The following CTDP1 variants were observed in gnomAD, a reference collection of about 807,000 sequenced individuals.
The protein encoded by CTDP1 is CTD phosphatase 1.
A neutral mutation model predicts 91.8 loss-of-function variants in CTDP1; 47 were observed. The ratio of observed to expected loss-of-function variants is 0.51; its 90% CI spans 0.41 to 0.65. The LOEUF is 0.65. Ranked by LOEUF, CTDP1 falls within the 30% of genes least tolerant of loss-of-function variation. The pLI is 0.00. For synonymous variants in CTDP1, 656 were observed against 598.5 expected (o/e 1.10, Z -1.40); for missense variants, 1,272 against 1,373.7 (o/e 0.93, Z 1.17).
chr18:79,715,252 G>A lies in CTDP1; in HGVS notation c.1792G>A (p.Val598Ile), dbSNP rs1291507084. 6.2e-7 allele frequency: 1 copy of A among 1,610,730 alleles called. No homozygotes were observed. The highest frequency in any genetic ancestry group is 8.5e-7 in the Non-Finnish European group (1 of 1,178,604). ...CCTCATCTACCTGGAGGAGATCCTG[G>A]TCCGTGTACACACTGACTACTATGC... ...DHLIYLEEIL[V>I]RVHTDYYAKY... The change falls in exon 8 of 13, where the codon GTC becomes ATC. Residue 598 changes from valine to isoleucine, a missense_variant. By Grantham distance (29) the Val-to-Ile change is conservative. Transcript: ENST00000613122.
intron 12 of CTDP1, among the ~76,000 whole-genome samples, chr18:79,750,670 T>TC (rs1491050894): frequency 1.1e-5 from 1 of 93,406 alleles, no homozygotes; most frequent in African/African-American, 3.6e-5. Context: ...ATTTTTTGCT[T>TC]TTTTTTTTTT....
intron 12 of CTDP1, among the ~76,000 whole-genome samples, chr18:79,737,553 G>A (rs562939718): frequency 6.4e-4 from 97 of 152,158 alleles, no homozygotes; most frequent in Admixed American, 2.2e-3. Flanking sequence ...GGGAGGAGCC[G>A]GTTTGCTTTG....
chr18:79,732,089 CAT>C (rs1367601445), intron 11 of CTDP1, among the ~76,000 whole-genome samples: 14 of 150,092 alleles, frequency 9.3e-5, no homozygotes, highest in South Asian at 6.4e-4. Context: ...TCCCAAATCA[CAT>C]GAGATGTAAG....
intron 8 of CTDP1, among the ~76,000 whole-genome samples, chr18:79,716,780 C>T (rs2086218248): frequency 6.6e-6 from 1 of 152,254 alleles, no homozygotes; most frequent in Non-Finnish European, 1.5e-5. Flanking sequence ...CTCACGTTTC[C>T]TTTTTGCTTC....
At chr18:79,710,203 C>A in intron 5 of CTDP1, 143 bp from the exon 6 acceptor site, 1 of 761,632 alleles carries the variant, frequency 1.3e-6, no homozygotes, top group Non-Finnish European at 2.4e-6. Context: ...CCACGTCTTA[C>A]CTCAAAAGGG....
chr18:79,680,316 T>A (rs2085333840), intron 1 of CTDP1, 55 bp downstream of exon 1: 2 of 1,221,080 alleles, frequency 1.6e-6, no homozygotes. Context: ...GGAGGGATCC[T>A]GGAGGACCCC....
At chr18:79,756,607 T>A (rs1218471155), downstream of CTDP1, 1 of 152,224 alleles carries the variant, frequency 6.6e-6, no homozygotes, top group Non-Finnish European at 1.5e-5. Flanking sequence ...CCAAATAAAG[T>A]CTTAAGAAGA....
At chr18:79,734,111 C>T (rs2086620758) in intron 11 of CTDP1, among the ~76,000 whole-genome samples, 1 of 152,202 alleles carries the variant, frequency 6.6e-6, no homozygotes, top group African/African-American at 2.4e-5. Flanking sequence ...GAAGTCTTGG[C>T]TCAGAATTCT....
At chr18:79,712,811 G>C (rs909023017) in intron 6 of CTDP1, among the ~76,000 whole-genome samples, 161 bp from the exon 7 acceptor site, 1 of 152,156 alleles carries the variant, frequency 6.6e-6, no homozygotes, top group Non-Finnish European at 1.5e-5. Context: ...GTTTAAATGC[G>C]ACCCAAACAG....
In CTDP1 at chr18:79,735,885, A is replaced by G. The variant is rs566040290; in HGVS notation, c.2581-470A>G. On this transcript the variant is annotated intron_variant, in intron 11 of 12. Coordinates refer to ENST00000613122, the MANE Select transcript of CTDP1 (RefSeq NM_004715.5). The stretch of plus-strand genomic sequence containing the variant: ...CCCAGAGCGAGCGGGTGGACATCTT[A>G]GCGAGCGTCCCTGTGGCACGGCCAC... The G allele has an allele frequency of 2.2e-3, 421 of 187,788 alleles. 1 individual carries two copies. Among genetic ancestry groups the G allele is most frequent in the African/African-American group, 9.1e-3 (390 of 42,624 alleles). The allele number at this position is 187,788 out of a possible 1,614,324, so 11.6% of individuals were successfully genotyped here.
In CTDP1 at chr18:79,679,916, C is replaced by A; in HGVS notation, c.-32C>A. ...TGCGCTCTGAGCGCAGCGCAGGCCC[C>A]GTACCGACCGCCCGCCCGCCCTCTG... is the stretch of plus-strand genomic sequence containing the variant. On this transcript the variant is annotated 5_prime_UTR_variant, in exon 1 of 13. Coordinates refer to ENST00000613122, the MANE Select transcript of CTDP1 (RefSeq NM_004715.5). 1 of 1,380,542 alleles carries A rather than the reference C, an allele frequency of 7.2e-7. No homozygotes were observed. Among genetic ancestry groups the A allele is most frequent in the South Asian group, 1.4e-5 (1 of 69,904 alleles). The allele number at this position is 1,380,542 out of a possible 1,614,324, so 85.5% of individuals were successfully genotyped here.
chr18:79,692,158 C>T (rs1327262889), intron 1 of CTDP1, among the ~76,000 whole-genome samples: 1 of 149,828 alleles, frequency 6.7e-6, no homozygotes, highest in East Asian at 2.0e-4. Flanking sequence ...GAGGAGTGGA[C>T]GGCTCCCAGG....
At chr18:79,736,305 G>A (rs910451192) in intron 11 of CTDP1, 50 bp from the exon 12 acceptor site, 1 of 1,548,278 alleles carries the variant, frequency 6.5e-7, no homozygotes, top group Non-Finnish European at 8.7e-7. Flanking sequence ...TGTTGCGGAG[G>A]AACGGGGCCC....
chr18:79,681,810 C>CGGCA (rs1190487185), intron 1 of CTDP1, among the ~76,000 whole-genome samples: 2 of 152,180 alleles, frequency 1.3e-5, no homozygotes, highest in African/African-American at 4.8e-5. Flanking sequence ...AGTCCATGGG[C>CGGCA]GGCAGGTAAA....
At position 79,754,143 on chromosome 18, in the gene CTDP1, G is replaced by A. The variant is rs1383426989; in HGVS notation, c.*353G>A. The A allele has an allele frequency of 1.4e-5, 5 of 365,836 alleles. No individual in the cohort carries two copies. In the Admixed American group the frequency reaches 2.0e-4, roughly 14 times the overall value. The allele number at this position is 365,836 out of a possible 1,614,324, so 22.7% of individuals were successfully genotyped here. On this transcript the variant is annotated 3_prime_UTR_variant, in exon 13 of 13. Transcript: ENST00000613122. ...GCACATTCCTTAGGGGACGGCTTTG[G>A]GGGTCCCACGAGACATGGACTAGGA...
chr18:79,678,461 T>G (rs190454594), upstream of CTDP1: 9 of 151,542 alleles, frequency 5.9e-5, 1 homozygote, highest in African/African-American at 2.2e-4. Flanking sequence ...CCTGGCCCCC[T>G]TTTTTGCCTT....
rs780965621 is a variant in CTDP1, at chr18:79,715,152, G to T, written c.1692G>T (p.Ser564=). 1.2e-6 allele frequency: 2 copies of T among 1,613,396 alleles called. No homozygotes were observed. The highest frequency in any genetic ancestry group is 1.7e-6 in the Non-Finnish European group (2 of 1,179,926). ...AETESQNSEL[S]GVTAGESLDQ... is the part of the protein sequence containing the mutation. ...CCGAGTCACAGAACAGCGAGCTGTC[G>T]GGGGTCACTGCGGGTGAGTCCCTGG... is the stretch of plus-strand genomic sequence containing the variant. Residue 564 remains serine (S), a synonymous_variant, in exon 8 of 13, where the codon TCG becomes TCT. Coordinates refer to ENST00000613122, the MANE Select transcript of CTDP1 (RefSeq NM_004715.5).
At chr18:79,696,110 G>C (rs772805831) in intron 3 of CTDP1, 40 bp downstream of exon 3, 1 of 1,573,666 alleles carries the variant, frequency 6.4e-7, no homozygotes, top group Non-Finnish European at 8.7e-7. Context: ...GGGAAGCGTG[G>C]TGCTCTGAGG....
At chr18:79,697,638 C>T (rs1404213940) in intron 3 of CTDP1, among the ~76,000 whole-genome samples, 2 of 152,198 alleles carry the variant, frequency 1.3e-5, no homozygotes, top group Non-Finnish European at 1.5e-5. Context: ...TTTTCATTGG[C>T]TCATGTATTT....
Sources: allele counts gnomAD v4.1 joint callset (sites outside exome capture counted in the v4.1 genomes callset), GRCh38; gene constraint gnomAD v4.1.1; transcripts MANE v1.5; gene names NCBI Gene and HGNC (gene_info 2026-07-23, HGNC 2026-07-21).